The following CEP112 variants were observed in gnomAD, a reference collection of about 807,000 sequenced individuals.
CEP112 encodes centrosomal protein 112.
CEP112 carries 127 observed loss-of-function variants against 153.0 expected under a neutral mutation model. The observed-to-expected ratio is 0.83, with a 90% CI of 0.72 to 0.96. The LOEUF is 0.96. CEP112 is among the 40% of genes least tolerant of loss of function. CEP112 has a pLI of 0.00. For synonymous variants in CEP112, 358 were observed against 374.4 expected (o/e 0.96, Z 0.51); for missense variants, 1,089 against 1,101.2 (o/e 0.99, Z 0.16).
At chr17:65,851,629 T>C (rs190125222) in intron 21 of CEP112, among the ~76,000 whole-genome samples, 175 bp downstream of exon 21, 8 of 152,310 alleles carry the variant, frequency 5.3e-5, no homozygotes, top group South Asian at 2.1e-4. Flanking sequence ...CCTAGATTAT[T>C]TTACTGGTAC....
intron 21 of CEP112, among the ~76,000 whole-genome samples, chr17:65,821,855 T>C (rs1158449288): frequency 6.6e-5 from 10 of 151,800 alleles, no homozygotes; most frequent in Non-Finnish European, 1.0e-4. Flanking sequence ...CCTGGCCTAA[T>C]ATTGTTTCTT....
In CEP112 at chr17:66,028,365, TGACA is replaced by T. The variant is rs758553156; in HGVS notation, c.1540_1543del (p.Cys514AsnfsTer2). 7 of 1,601,028 alleles carry T rather than the reference TGACA, an allele frequency of 4.4e-6. No individual in the cohort carries two copies. The highest frequency in any genetic ancestry group is 1.4e-5 in the African/African-American group (1 of 73,792). ...TGATTCCTGTAACTGCTGTTTTAAT[TGACA>T]GACATTCTGCTCTAATTCTTCAATC... On this transcript the variant is annotated frameshift_variant, in exon 15 of 27. Coordinates refer to ENST00000535342, the MANE Select transcript of CEP112 (RefSeq NM_001199165.4). LOFTEE classifies it high-confidence loss of function.
intron 23 of CEP112, among the ~76,000 whole-genome samples, chr17:65,729,840 G>T (rs1010617570): frequency 1.3e-5 from 2 of 152,114 alleles, no homozygotes; most frequent in Non-Finnish European, 2.9e-5. Flanking sequence ...TTGAGCCCAG[G>T]AGTTGGAGGC....
rs557300941 is a variant in CEP112 at position 65,902,104 on chromosome 17, A to C, written c.2163+48T>G. On this transcript the variant is annotated intron_variant, in intron 20 of 26. Coordinates refer to ENST00000535342, the MANE Select transcript of CEP112 (RefSeq NM_001199165.4). ...AATAAGAAAACATTAAACGCTGATG[A>C]CTTTTTAAAAACAGATACCCGTTTT... 2.7e-5 allele frequency: 38 copies of C among 1,423,932 alleles called. No individual in the cohort carries two copies. The East Asian group carries it at 7.1e-4, about 27-fold the overall frequency. 88.2% of individuals were successfully genotyped at this position (1,423,932 alleles called of 1,614,324 possible). A position where few individuals can be genotyped will look rare whatever the true frequency, so the allele number is the denominator to read the frequency against.
At chr17:65,781,941 C>T (rs535585542) in intron 21 of CEP112, among the ~76,000 whole-genome samples, 48 of 152,206 alleles carry the variant, frequency 3.2e-4, no homozygotes, top group South Asian at 2.5e-3. Context: ...TGGACCTTGG[C>T]CTTGGGAAAT....
chr17:65,826,515 G>A, intron 21 of CEP112: 1 of 1,389,212 alleles, frequency 7.2e-7, no homozygotes, highest in Non-Finnish European at 9.3e-7. Flanking sequence ...CAACCACACT[G>A]CCTGGCTCAG....
chr17:65,927,610 T>A lies in CEP112; in HGVS notation c.1952A>T (p.Glu651Val). ...TTGTTCATACCGCTGTCTGATGTCC[T>A]CCAGTTGCCATAAAAACTCCTTTGA... ...KQSKEFLWQL[E>V]DIRQRYEQQI... The change falls in exon 19 of 27, where the codon GAG (glutamate) becomes GTG (valine). Residue 651 changes from glutamate to valine, a missense_variant. Glu to Val is a moderately radical substitution (Grantham distance 121, BLOSUM62 -2). Transcript: ENST00000535342. 6.2e-7 allele frequency: 1 copy of A among 1,602,038 alleles called. No homozygotes were observed.
At chr17:65,831,878 C>T (rs965954465) in intron 21 of CEP112, among the ~76,000 whole-genome samples, 1 of 152,068 alleles carries the variant, frequency 6.6e-6, no homozygotes, top group Non-Finnish European at 1.5e-5. Context: ...GGGAAAACAA[C>T]AGAATATACA....
At chr17:65,815,193 CT>C (rs1421640221) in intron 21 of CEP112, among the ~76,000 whole-genome samples, 1 of 152,144 alleles carries the variant, frequency 6.6e-6, no homozygotes, top group East Asian at 1.9e-4. Context: ...TTCAAGGTAA[CT>C]TTTGTGTAAC....
At chr17:66,133,091 A>T (rs2070271225) in intron 4 of CEP112, among the ~76,000 whole-genome samples, 1 of 152,104 alleles carries the variant, frequency 6.6e-6, no homozygotes, top group Non-Finnish European at 1.5e-5. Context: ...CCACATCAAA[A>T]AAAAAAAAGA....
At chr17:66,033,598 G>A (rs146598649) in intron 12 of CEP112, among the ~76,000 whole-genome samples, 6 of 152,244 alleles carry the variant, frequency 3.9e-5, no homozygotes, top group Non-Finnish European at 8.8e-5. Flanking sequence ...TCCTCCAGGG[G>A]CCTGCATAGC....
At chr17:65,916,538 T>A (rs1040482039) in intron 19 of CEP112, among the ~76,000 whole-genome samples, 4 of 150,850 alleles carry the variant, frequency 2.7e-5, no homozygotes, top group African/African-American at 4.9e-5. Context: ...GAAAACAGCT[T>A]CTTTTTTTTT....
At chr17:65,787,841 TACAG>T (rs2054361365) in intron 21 of CEP112, among the ~76,000 whole-genome samples, 2 of 152,236 alleles carry the variant, frequency 1.3e-5, no homozygotes, top group South Asian at 4.1e-4. Flanking sequence ...AGATTTTATG[TACAG>T]ACAATCATAT....
rs765148528 is a variant in CEP112 at position 66,005,811 on chromosome 17, A to G, written c.1657-42T>C. The stretch of plus-strand genomic sequence containing the variant: ...ATGGAAAATTTATTGGAAGACGAGT[A>G]AAGTTTACTTCAAAGAGACATACAA... On this transcript the variant is annotated intron_variant, in intron 16 of 26. Coordinates refer to ENST00000535342, the MANE Select transcript of CEP112 (RefSeq NM_001199165.4). 5.9e-6 allele frequency: 9 copies of G among 1,533,648 alleles called. No homozygotes were observed. In the East Asian group the frequency reaches 2.0e-4, roughly 35 times the overall value.
At chr17:66,102,752 A>C (rs1270520946) in intron 6 of CEP112, among the ~76,000 whole-genome samples, 1 of 150,640 alleles carries the variant, frequency 6.6e-6, no homozygotes, top group African/African-American at 2.4e-5. Context: ...GAGCCGAGAT[A>C]ACCCACTGCA....
intron 19 of CEP112, among the ~76,000 whole-genome samples, chr17:65,911,769 G>A (rs949427334): frequency 2.6e-5 from 4 of 152,300 alleles, no homozygotes; most frequent in Middle Eastern, 3.4e-3. Context: ...AGTGGCAAAT[G>A]TAGCATGGTC....
Position 66,053,899 on chromosome 17 carries a change from G to A in CEP112, c.1075-20C>T. ...GTGAAGCTACATCAGGAAATCAAGA[G>A]TTGACTCTTTTACTACTATGGAATT... On this transcript the variant is annotated intron_variant, in intron 11 of 26. Transcript: ENST00000535342. The A allele has an allele frequency of 6.2e-7, 1 of 1,600,074 alleles. No individual in the cohort carries two copies. Among genetic ancestry groups the A allele is most frequent in the South Asian group, 1.1e-5 (1 of 88,602 alleles).
intron 5 of CEP112, among the ~76,000 whole-genome samples, chr17:66,130,453 G>C (rs2070086140): frequency 6.6e-6 from 1 of 152,034 alleles, no homozygotes; most frequent in South Asian, 2.1e-4. Flanking sequence ...TGAACATAAA[G>C]ATAAATAATC....
At chr17:66,010,684 T>A (rs1379484560) in intron 16 of CEP112, among the ~76,000 whole-genome samples, 1 of 152,216 alleles carries the variant, frequency 6.6e-6, no homozygotes, top group Non-Finnish European at 1.5e-5. Flanking sequence ...TTGGATTTTA[T>A]CAAAAGCCTT....
Sources: gnomAD v4.1 joint callset for allele counts (sites outside exome capture counted in the v4.1 genomes callset) on GRCh38, gnomAD v4.1.1 for gene constraint, MANE v1.5 for transcripts, NCBI Gene and HGNC (gene_info 2026-07-23, HGNC 2026-07-21) for gene names.